Variants in MSH6 observed in about 807,000 individuals in gnomAD.
MSH6 encodes mutS homolog 6.
Under a neutral mutation model 119.1 loss-of-function variants are expected in MSH6, and 85 were observed. The ratio of observed to expected loss-of-function variants is 0.71; its 90% CI spans 0.60 to 0.85. The LOEUF (loss-of-function observed/expected upper bound fraction) is 0.85, where lower values mean the gene tolerates loss of function less well. Among genes scored for constraint, MSH6 ranks in the 40% least tolerant of loss-of-function variants. MSH6 has a pLI of 0.00. For missense variants in MSH6, 2,163 were observed against 1,655.3 expected (o/e 1.31, Z -5.32); for synonymous variants, 830 against 586.9 (o/e 1.41, Z -5.99).
rs766075233 is a variant in MSH6 at position 47,805,682 on chromosome 2, T to G, written c.3621T>G (p.His1207Gln). 2.5e-6 allele frequency: 4 copies of G among 1,612,360 alleles called. No homozygotes were observed. Among genetic ancestry groups the G allele is most frequent in the Non-Finnish European group, 2.5e-6 (3 of 1,178,430 alleles). ...TASILMHATA[H>Q]SLVLVDELGR... Reference sequence around the variant, plus strand: ...GCATACTCATGCATGCAACAGCACATTCTCTGGTGCTTGTGGATGAATTAG... The same window carrying G: ...GCATACTCATGCATGCAACAGCACAGTCTCTGGTGCTTGTGGATGAATTAG... The change falls in exon 7 of 10, where the codon CAT (histidine) becomes CAG (glutamine). Residue 1207 changes from histidine (H) to glutamine (Q), a missense_variant. Physicochemically the swap from His to Gln is conservative, Grantham distance 24. Coordinates refer to ENST00000234420, the MANE Select transcript of MSH6 (RefSeq NM_000179.3).
At chr2:47,801,496 T>C (rs1462737776) in intron 4 of MSH6, among the ~76,000 whole-genome samples, 1 of 147,426 alleles carries the variant, frequency 6.8e-6, no homozygotes, top group East Asian at 2.1e-4. Flanking sequence ...GCCTCCCAAG[T>C]AGCTGAGATT....
At chr2:47,801,367 T>G (rs867186948) in intron 4 of MSH6, 3 of 456,608 alleles carry the variant, frequency 6.6e-6, no homozygotes, top group Admixed American at 4.3e-5. Flanking sequence ...TTCAGTTTTT[T>G]TTTTTTTTTT....
In MSH6 at chr2:47,793,182, A is replaced by G. The variant is rs948016001; in HGVS notation, c.457+2059A>G. 5.9e-5 allele frequency among the ~76,000 whole-genome samples: 9 copies of G among 151,870 alleles called. No individual in the cohort carries two copies. In the South Asian group the frequency reaches 1.2e-3, roughly 21 times the overall value. On this transcript the variant is annotated intron_variant, in intron 2 of 9. Transcript: ENST00000234420. ...CTAAAAATACAAAAATTAGCTGGGC[A>G]TGGTGGCACATGCCTGTAATCCCAG...
At chr2:47,798,365 C>G (rs1669222377) in intron 3 of MSH6, among the ~76,000 whole-genome samples, 1 of 152,214 alleles carries the variant, frequency 6.6e-6, no homozygotes, top group African/African-American at 2.4e-5. Context: ...CGTAGCCTAA[C>G]CTATCTCAGA....
intron 9 of MSH6, 26 bp from the exon 10 acceptor site, chr2:47,806,753 T>TTTTTTTTTTTTTTTTTAAAAC (rs1553333922): frequency 2.6e-5 from 13 of 492,194 alleles, no homozygotes; most frequent in Non-Finnish European, 3.6e-5. Flanking sequence ...CAAAAAAACT[T>TTTTTTTTTTTTTTTTTAAAAC]TTTTTTTTTT....
At chr2:47,795,422 A>ATG (rs10699372) in intron 2 of MSH6, among the ~76,000 whole-genome samples, 7,441 of 141,616 alleles carry the variant, frequency 0.053, 437 homozygotes, top group African/African-American at 0.15. Context: ...AAGTTATTTT[A>ATG]TGTGTGTGTG....
intron 5 of MSH6, 21 bp from the exon 6 acceptor site, chr2:47,804,889 C>T (rs1669862692): frequency 6.3e-7 from 1 of 1,581,624 alleles, no homozygotes. Flanking sequence ...CATAAAAGAC[C>T]TTTTCCTCCC....
At chr2:47,791,192 C>G (rs940567359) in intron 2 of MSH6, 69 bp downstream of exon 2, 26 of 1,432,986 alleles carry the variant, frequency 1.8e-5, no homozygotes, top group Non-Finnish European at 2.4e-5. Context: ...AACAGACAGA[C>G]AGGCAGACTT....
chr2:47,807,577 A>T (rs1558397958), downstream of MSH6: 1 of 216,376 alleles, frequency 4.6e-6, no homozygotes. Flanking sequence ...AACAGGGCAC[A>T]TTCAAGTACA....
rs559735296 is a variant in MSH6, at chr2:47,785,510, GCCCGGCC to G, written c.260+2018_260+2024del. 1.9e-3 allele frequency among the ~76,000 whole-genome samples: 284 copies of G among 152,306 alleles called. 1 individual carries two copies. Among genetic ancestry groups the G allele is most frequent in the Middle Eastern group, 6.8e-3 (2 of 294 alleles). ...TGGGATTACAGGTGTGAGCCACCGT[GCCCGGCC>G]GCTAGTTAGTGGTTTTGAGTAATGG... is the stretch of plus-strand genomic sequence containing the variant. On this transcript the variant is annotated intron_variant, in intron 1 of 9. Transcript: ENST00000234420.
rs587779940 is a variant in MSH6 at position 47,806,633 on chromosome 2, A to T, written c.3983A>T (p.Gln1328Leu). 15 of 1,611,146 alleles carry T rather than the reference A, an allele frequency of 9.3e-6. No individual in the cohort carries two copies. The highest frequency in any genetic ancestry group is 1.3e-5 in the Non-Finnish European group (15 of 1,179,408). The change falls in exon 9 of 10, where the codon CAG becomes CTG. Residue 1328 changes from glutamine (Q) to leucine (L), a missense_variant. Gln to Leu is a moderately radical substitution (Grantham distance 113). Transcript: ENST00000234420. ...GCAAGAGAATTTGAGAAGATGAATC[A>T]GTCACTACGATTATTTCGGTAACTA... ...RKAREFEKMN[Q>L]SLRLFREVCL... is the part of the protein sequence containing the mutation.
rs786201471 is a variant in MSH6, at chr2:47,799,537, C to T, written c.1554C>T (p.Thr518=). 5.6e-6 allele frequency: 9 copies of T among 1,614,094 alleles called. No homozygotes were observed. The highest frequency in any genetic ancestry group is 7.6e-6 in the Non-Finnish European group (9 of 1,180,002). ...GGAGGGAGATCTGTAGGATCATTAC[C>T]AAGGGTACACAGACTTACAGTGTGC... is the stretch of plus-strand genomic sequence containing the variant. ...VVRREICRII[T]KGTQTYSVLE... The change falls in exon 4 of 10, where the codon ACC becomes ACT. Residue 518 remains threonine, a synonymous_variant. Coordinates refer to ENST00000234420, the MANE Select transcript of MSH6 (RefSeq NM_000179.3).
chr2:47,783,689 G>T, intron 1 of MSH6, 196 bp downstream of exon 1: 3 of 557,308 alleles, frequency 5.4e-6, no homozygotes, highest in Non-Finnish European at 8.6e-6. Context: ...TTGTAAACAG[G>T]GTCGGAGGAG....
chr2:47,803,861 C>T lies in MSH6; in HGVS notation c.3438+176C>T, dbSNP rs3136352. Among the ~76,000 whole-genome samples, 312 of 152,230 alleles carry T rather than the reference C, an allele frequency of 2.0e-3. 1 individual carries two copies. In the East Asian group the frequency reaches 0.03, roughly 14 times the overall value. Reference sequence around the variant, plus strand: ...TGAGAATTATATTTAGCTGAAACATCGATGCTTAATGTTAAGGGGAATATA... The same window carrying T: ...TGAGAATTATATTTAGCTGAAACATTGATGCTTAATGTTAAGGGGAATATA... On this transcript the variant is annotated intron_variant, in intron 5 of 9. Coordinates refer to ENST00000234420, the MANE Select transcript of MSH6 (RefSeq NM_000179.3).
In MSH6 at chr2:47,789,458, A is replaced by C. The variant is rs1351573692; in HGVS notation, c.261-1469A>C. On this transcript the variant is annotated intron_variant, in intron 1 of 9. Coordinates refer to ENST00000234420, the MANE Select transcript of MSH6 (RefSeq NM_000179.3). ...CATTTATCCTGTAAACAAATGGAAG[A>C]CATTATTTTTTTAATTGCTTGCTTA... The C allele has an allele frequency of 8.7e-6, 4 of 460,654 alleles. No individual in the cohort carries two copies. The Admixed American group carries it at 1.0e-4, about 12-fold the overall frequency. 28.5% of individuals were successfully genotyped at this position (460,654 alleles called of 1,614,324 possible). A position where few individuals can be genotyped will look rare whatever the true frequency, so the allele number is the denominator to read the frequency against.
intron 1 of MSH6, among the ~76,000 whole-genome samples, chr2:47,788,904 TTC>T (rs1558650049): frequency 1.2e-3 from 13 of 10,536 alleles, no homozygotes; most frequent in Admixed American, 2.9e-3. Context: ...TTCTTTCTTC[TTC>T]CTTTTTTTTT....
intron 1 of MSH6, among the ~76,000 whole-genome samples, chr2:47,785,513 C>G (rs530298340): frequency 6.6e-6 from 1 of 151,600 alleles, no homozygotes; most frequent in Non-Finnish European, 1.5e-5. Flanking sequence ...CCACCGTGCC[C>G]GGCCGCTAGT....
chr2:47,788,402 C>T (rs1312462036), intron 1 of MSH6, among the ~76,000 whole-genome samples: 4 of 150,172 alleles, frequency 2.7e-5, no homozygotes, highest in Non-Finnish European at 4.4e-5. Context: ...TTACAGATGC[C>T]CGCCACCATG....
At position 47,806,792 on chromosome 2, in the gene MSH6, G is replaced by GCT. The variant is rs876661127; in HGVS notation, c.4016_4017dup (p.Ser1340LeufsTer7). 31 of 1,602,500 alleles carry GCT rather than the reference G, an allele frequency of 1.9e-5. No individual in the cohort carries two copies. The highest frequency in any genetic ancestry group is 2.6e-5 in the Non-Finnish European group (31 of 1,174,992). ...TTTAATTTTAAGGGAAGTTTGCCTG[G>GCT]CTAGTGAAAGGTCAACTGTAGATGC... On this transcript the variant is annotated frameshift_variant, in exon 10 of 10. Transcript: ENST00000234420. LOFTEE classifies it high-confidence loss of function.
Sources: allele counts gnomAD v4.1 joint callset (sites outside exome capture counted in the v4.1 genomes callset), GRCh38; gene constraint gnomAD v4.1.1; transcripts MANE v1.5; gene names NCBI Gene and HGNC (gene_info 2026-07-23, HGNC 2026-07-21).